MICAL2: variants seen among roughly 807,000 people sequenced by gnomAD.
MICAL2 encodes [F-actin]-monooxygenase MICAL2.
MICAL2 carries 77 observed loss-of-function variants against 127.3 expected under a neutral mutation model. That is an observed-to-expected ratio of 0.60 (90% CI 0.50 to 0.73). MICAL2 has a LOEUF of 0.73. MICAL2 is among the 30% of genes least tolerant of loss of function. MICAL2 has a pLI of 0.00. For missense variants in MICAL2, 1,351 were observed against 1,434.4 expected (o/e 0.94, Z 0.94); for synonymous variants, 570 against 551.1 (o/e 1.03, Z -0.48).
chr11:12,207,719 G>A, intron 4 of MICAL2: 1 of 242,590 alleles, frequency 4.1e-6, no homozygotes, highest in Non-Finnish European at 7.9e-6. Context: ...ACAGGGTCTA[G>A]AAATCAGACA....
chr11:12,310,118 C>G (rs1864155620), intron 29 of MICAL2, among the ~76,000 whole-genome samples: 1 of 152,084 alleles, frequency 6.6e-6, no homozygotes, highest in South Asian at 2.1e-4. Flanking sequence ...CTCTCTCATT[C>G]TTTAGGTTGT....
At chr11:12,244,741 A>AAGGC (rs1233344209) in intron 21 of MICAL2, among the ~76,000 whole-genome samples, 5 of 152,270 alleles carry the variant, frequency 3.3e-5, no homozygotes, top group South Asian at 2.1e-4. Context: ...AGCCTGTGCA[A>AAGGC]AGGCAGGCAG....
intron 32 of MICAL2, among the ~76,000 whole-genome samples, chr11:12,330,841 G>GAGAA (rs1318928753): frequency 6.6e-6 from 1 of 151,470 alleles, no homozygotes; most frequent in Non-Finnish European, 1.5e-5. Context: ...GACAGAGAGA[G>GAGAA]AGAGAGACAG....
chr11:12,115,349 G>T (rs1254717822), intron 1 of MICAL2, among the ~76,000 whole-genome samples: 1 of 152,298 alleles, frequency 6.6e-6, no homozygotes, highest in East Asian at 1.9e-4. Flanking sequence ...CCTTAGGGGT[G>T]CTGGACACCT....
intron 30 of MICAL2, among the ~76,000 whole-genome samples, chr11:12,321,578 C>T (rs1264537319): frequency 2.0e-5 from 3 of 152,190 alleles, no homozygotes; most frequent in African/African-American, 7.2e-5. Flanking sequence ...TTCCCTAGCC[C>T]TTAGCGTCTT....
chr11:12,193,417 A>T (rs1859467418), intron 3 of MICAL2, among the ~76,000 whole-genome samples: 1 of 152,228 alleles, frequency 6.6e-6, no homozygotes, highest in Non-Finnish European at 1.5e-5. Context: ...ACCTTTTCTC[A>T]TACAGATCCA....
At chr11:12,193,495 A>G (rs1295983772) in intron 3 of MICAL2, among the ~76,000 whole-genome samples, 1 of 152,318 alleles carries the variant, frequency 6.6e-6, no homozygotes, top group Admixed American at 6.5e-5. Flanking sequence ...CATGGATAGG[A>G]TCAGCCTTGT....
intron 32 of MICAL2, among the ~76,000 whole-genome samples, chr11:12,334,815 A>G (rs1158975776): frequency 1.3e-5 from 2 of 151,840 alleles, no homozygotes; most frequent in African/African-American, 4.8e-5. Context: ...ATAGTATTCC[A>G]TGGTGTATAT....
downstream of MICAL2, among the ~76,000 whole-genome samples, chr11:12,264,888 C>T (rs1303855842): frequency 6.6e-6 from 1 of 152,216 alleles, no homozygotes; most frequent in Non-Finnish European, 1.5e-5. Flanking sequence ...GAAGTCCCCA[C>T]ACCTCCCTGC....
At chr11:12,316,283 A>C (rs142925855) in intron 29 of MICAL2, among the ~76,000 whole-genome samples, 2 of 152,012 alleles carry the variant, frequency 1.3e-5, no homozygotes, top group African/African-American at 4.8e-5. Flanking sequence ...TGTTGACAGT[A>C]ATTGTTTCAA....
intron 32 of MICAL2, among the ~76,000 whole-genome samples, chr11:12,332,371 G>A (rs924541289): frequency 6.6e-6 from 1 of 152,102 alleles, no homozygotes; most frequent in Non-Finnish European, 1.5e-5. Context: ...TCTAAATACA[G>A]GTAGCCATGA....
chr11:12,112,653 C>T (rs1291870813), intron 1 of MICAL2, among the ~76,000 whole-genome samples: 2 of 152,132 alleles, frequency 1.3e-5, no homozygotes, highest in East Asian at 1.9e-4. Context: ...TATCTCCAGC[C>T]CCTTCTTCCT....
chr11:12,353,364 T>C (rs1000873834), intron 33 of MICAL2, among the ~76,000 whole-genome samples: 1 of 152,256 alleles, frequency 6.6e-6, no homozygotes, highest in Non-Finnish European at 1.5e-5. Flanking sequence ...GGTGCACTTC[T>C]TGTTTTGTTC....
chr11:12,190,145 C>A (rs73416239), intron 3 of MICAL2, among the ~76,000 whole-genome samples: 2 of 152,116 alleles, frequency 1.3e-5, no homozygotes, highest in Non-Finnish European at 2.9e-5. Context: ...AACTACATTC[C>A]GCTGGTGAGT....
At chr11:12,345,131 A>AAAAAAG (rs1427548449) in intron 32 of MICAL2, among the ~76,000 whole-genome samples, 2 of 151,020 alleles carry the variant, frequency 1.3e-5, no homozygotes, top group Non-Finnish European at 2.9e-5. Context: ...AAAAAAAGAA[A>AAAAAAG]AAAGAAAGAA....
At chr11:12,348,119 A>C (rs1053223173) in intron 32 of MICAL2, among the ~76,000 whole-genome samples, 1 of 137,154 alleles carries the variant, frequency 7.3e-6, no homozygotes, top group African/African-American at 2.8e-5. Context: ...GTGCCACTGC[A>C]CTCCAGATTG....
chr11:12,182,361 G>A (rs914798184), intron 3 of MICAL2, among the ~76,000 whole-genome samples: 4 of 152,086 alleles, frequency 2.6e-5, no homozygotes, highest in African/African-American at 9.7e-5. Context: ...AAAGAGCTTG[G>A]AAGGGATCCG....
intron 1 of MICAL2, among the ~76,000 whole-genome samples, chr11:12,126,619 T>A (rs1384664831): frequency 6.6e-6 from 1 of 151,670 alleles, no homozygotes; most frequent in Non-Finnish European, 1.5e-5. Flanking sequence ...CTAGGCTCTG[T>A]GCTGTGGGGA....
chr11:12,324,073 C>A, intron 31 of MICAL2: 2 of 1,607,798 alleles, frequency 1.2e-6, no homozygotes, highest in South Asian at 1.1e-5. Flanking sequence ...AGGCTCAGGT[C>A]AGTAAATAAA....
Sources: allele counts gnomAD v4.1 joint callset (sites outside exome capture counted in the v4.1 genomes callset), GRCh38; gene constraint gnomAD v4.1.1; transcripts MANE v1.5; gene names NCBI Gene and HGNC (gene_info 2026-07-23, HGNC 2026-07-21).